The following CACNA1F variants were observed in gnomAD, a reference collection of about 807,000 sequenced individuals.
CACNA1F encodes calcium voltage-gated channel subunit alpha1 F.
Under a neutral mutation model 143.8 loss-of-function variants are expected in CACNA1F, and 59 were observed. The observed-to-expected ratio is 0.41, with a 90% CI of 0.33 to 0.51. The LOEUF is 0.51. CACNA1F is among the 20% of genes least tolerant of loss of function. The pLI is 0.22. For synonymous variants in CACNA1F, 643 were observed against 649.1 expected, an observed-to-expected ratio of 0.99 and a Z score of 0.14; for missense variants, 1,411 against 1,647.5, an observed-to-expected ratio of 0.86 and a Z score of 2.48.
intron 17 of CACNA1F, among the ~76,000 whole-genome samples, chrX:49,221,944 C>T (rs998252261): frequency 2.7e-5 from 3 of 109,212 alleles, no homozygotes; most frequent in Non-Finnish European, 5.7e-5. Flanking sequence ...GATAGCACCA[C>T]TGCACTCCAG....
rs781949666 is a variant in CACNA1F at position 49,210,710 on chromosome X, C to G, written c.4389-24G>C. The G allele has an allele frequency of 3.8e-5, 44 of 1,153,711 alleles. No individual in the cohort carries two copies. In the South Asian group the frequency reaches 8.2e-4, roughly 21 times the overall value. On this transcript the variant is annotated intron_variant, in intron 37 of 47. Coordinates refer to ENST00000323022, the MANE Select transcript of CACNA1F (RefSeq NM_001256789.3). Reference sequence around the variant, plus strand: ...CCCTGGAGGAGTTGGGGAGGTACCACTGGATTGGCGATGCCCCCACTAGCC... The same window carrying G: ...CCCTGGAGGAGTTGGGGAGGTACCAGTGGATTGGCGATGCCCCCACTAGCC...
intron 37 of CACNA1F, 66 bp from the exon 38 acceptor site, chrX:49,210,752 C>T: frequency 1.0e-6 from 1 of 965,017 alleles, no homozygotes; most frequent in Non-Finnish European, 1.5e-6. Flanking sequence ...CAAGGCCCCA[C>T]CAGCTCATCA....
At chrX:49,226,171 T>C (rs2065822146) in intron 12 of CACNA1F, 46 bp downstream of exon 12, 1 of 1,157,200 alleles carries the variant, frequency 8.6e-7, no homozygotes, top group Non-Finnish European at 1.2e-6. Context: ...AGGTGGGGGG[T>C]TTCAAAGTTA....
chrX:49,218,003 A>G lies in CACNA1F; in HGVS notation c.2931T>C (p.His977=), dbSNP rs969019276. ...TGGCCACAAATACACACTGCACCACATGCTGCGGGCACCCAAGCATATGGC... is the reference window on the plus strand; with the variant it reads ...TGGCCACAAATACACACTGCACCACGTGCTGCGGGCACCCAAGCATATGGC... ...RAINRAKGLK[H]VVQCVFVAIR... Residue 977 remains histidine, a splice_region_variant and synonymous_variant, in exon 25 of 48, where the codon CAT becomes CAC. Transcript: ENST00000323022. 5.0e-6 allele frequency: 6 copies of G among 1,195,595 alleles called. No individual in the cohort carries two copies. Among genetic ancestry groups the G allele is most frequent in the Non-Finnish European group, 6.8e-6 (6 of 881,481 alleles).
In CACNA1F at chrX:49,211,948, G is replaced by A; in HGVS notation, c.4050C>T (p.Asn1350=). 1 of 1,211,102 alleles carries A rather than the reference G, an allele frequency of 8.3e-7. No individual in the cohort carries two copies. The highest frequency in any genetic ancestry group is 1.8e-5 in the South Asian group (1 of 56,986). ...KVALQDGTQI[N]RNNNFQTFPQ... Reference sequence around the variant, plus strand: ...GAAAGGTCTGGAAGTTGTTGTTTCGGTTTATCTGTGTGCCATCCTGAAGAG... The same window carrying A: ...GAAAGGTCTGGAAGTTGTTGTTTCGATTTATCTGTGTGCCATCCTGAAGAG... Residue 1350 remains asparagine (N), a synonymous_variant, in exon 35 of 48, where the codon AAC becomes AAT. Coordinates refer to ENST00000323022, the MANE Select transcript of CACNA1F (RefSeq NM_001256789.3).
Position 49,230,566 on chromosome X carries a change from C to A in CACNA1F, c.565G>T (p.Asp189Tyr), listed in dbSNP as rs1557111086. 8.5e-7 allele frequency: 1 copy of A among 1,178,212 alleles called. No individual in the cohort carries two copies. Among genetic ancestry groups the A allele is most frequent in the South Asian group, 1.9e-5 (1 of 53,360 alleles). ...GGCTTTCCCCCGGTGTGCGGGGCGT[C>A]GCCTGGCCGTCCGGGGCCCTGCTCC... ...LLEQGPGRPGDAPHTGGKPGG... is the reference protein window; with the variant it reads ...LLEQGPGRPGYAPHTGGKPGG... Residue 189 changes from aspartate to tyrosine, a missense_variant, in exon 5 of 48, where the codon GAC becomes TAC. Asp to Tyr is a radical substitution (Grantham distance 160, BLOSUM62 -3). Transcript: ENST00000323022.
At chrX:49,217,855 C>T (rs782707860) in intron 25 of CACNA1F, 43 bp downstream of exon 25, 15 of 1,187,528 alleles carry the variant, frequency 1.3e-5, no homozygotes, top group East Asian at 3.0e-5. Context: ...ATCACACTCC[C>T]GCCCAGACCC....
chrX:49,231,856 G>T lies in CACNA1F; in HGVS notation c.97C>A (p.Pro33Thr). ...GPEWGLCPGP[P>T]AVEGESSGAS... ...CCACTGCTTTCACCTTCCACAGCTG[G>T]GGGCCCGGGGCACAGCCCCCATTCG... Residue 33 changes from proline to threonine, a missense_variant, in exon 2 of 48, where the codon CCA (proline) becomes ACA (threonine). Coordinates refer to ENST00000323022, the MANE Select transcript of CACNA1F (RefSeq NM_001256789.3). The T allele has an allele frequency of 8.4e-7, 1 of 1,187,034 alleles. No homozygotes were observed. Among genetic ancestry groups the T allele is most frequent in the East Asian group, 3.1e-5 (1 of 32,510 alleles).
chrX:49,209,962 C>T lies in CACNA1F; in HGVS notation c.4669G>A (p.Glu1557Lys). 2 of 1,205,828 alleles carry T rather than the reference C, an allele frequency of 1.7e-6. No individual in the cohort carries two copies. The highest frequency in any genetic ancestry group is 2.2e-6 in the Non-Finnish European group (2 of 889,946). Reference protein sequence around the residue: ...WKRMKQKLLDEVIPPPDEEEV... With the variant: ...WKRMKQKLLDKVIPPPDEEEV... ...TCACCGTCTGGTGGGGGGATGACCT[C>T]ATCTAGCAGCTTCTGTTTCATCCGC... The change falls in exon 40 of 48, where the codon GAG (glutamate) becomes AAG (lysine). Residue 1557 changes from glutamate to lysine, a missense_variant. Around this residue, in one of 3 missense-constraint regions of CACNA1F, gnomAD observed 112 missense variants for 169.2 expected, o/e 0.66. Coordinates refer to ENST00000323022, the MANE Select transcript of CACNA1F (RefSeq NM_001256789.3).
chrX:49,213,715 G>A, intron 31 of CACNA1F, 104 bp downstream of exon 31: 1 of 578,946 alleles, frequency 1.7e-6, no homozygotes. Context: ...GGAGTAGGGA[G>A]GATGTGCGTG....
rs372570490 is a variant in CACNA1F, at chrX:49,212,284, T to C, written c.3967A>G (p.Ile1323Val). ...GCATAGATGAAGAATATCATTGCGA[T>C]GAGAAGAGCCACATAGGGCAAGGCC... ...FQALPYVALL[I>V]AMIFFIYAVI... Residue 1323 changes from isoleucine (I) to valine (V), a missense_variant, in exon 34 of 48, where the codon ATC becomes GTC. Ile to Val is a conservative substitution (Grantham distance 29). Transcript: ENST00000323022. 8 of 1,205,928 alleles carry C rather than the reference T, an allele frequency of 6.6e-6. No homozygotes were observed. Among genetic ancestry groups the C allele is most frequent in the East Asian group, 5.9e-5 (2 of 33,766 alleles).
At chrX:49,229,682 C>CA (rs2147923271) in intron 6 of CACNA1F, among the ~76,000 whole-genome samples, 1 of 110,175 alleles carries the variant, frequency 9.1e-6, no homozygotes, top group African/African-American at 3.4e-5. Context: ...TGCAGTGGCG[C>CA]ATCTCGGCTC....
chrX:49,207,719 C>T (rs184342452), intron 43 of CACNA1F, among the ~76,000 whole-genome samples: 263 of 110,537 alleles, frequency 2.4e-3, no homozygotes, highest in African/African-American at 7.9e-3. Flanking sequence ...TGTGAGCCAC[C>T]GTGCCTAGGC....
rs1350669023 is a variant in CACNA1F at position 49,205,964 on chromosome X, T to G, written c.5473-151A>C. The G allele has an allele frequency of 1.4e-5, 7 of 512,786 alleles. No homozygotes were observed. The Admixed American group carries it at 2.0e-4, about 15-fold the overall frequency. 42.3% of individuals were successfully genotyped at this position (512,786 alleles called of 1,213,427 possible). A position where few individuals can be genotyped will look rare whatever the true frequency, so the allele number is the denominator to read the frequency against. ...AGGCTTGAGTTTATTTATGTAAGAG[T>G]GCAGGAGGCCTGGGTTTAAATGTCA... On this transcript the variant is annotated intron_variant, in intron 46 of 47. Coordinates refer to ENST00000323022, the MANE Select transcript of CACNA1F (RefSeq NM_001256789.3).
Position 49,206,991 on chromosome X carries a change from C to A in CACNA1F, c.5231+14G>T. The A allele has an allele frequency of 8.9e-7, 1 of 1,122,479 alleles. No homozygotes were observed. Among genetic ancestry groups the A allele is most frequent in the Non-Finnish European group, 1.2e-6 (1 of 819,491 alleles). The allele number at this position is 1,122,479 out of a possible 1,213,427, so 92.5% of individuals were successfully genotyped here. A position where few individuals can be genotyped will look rare whatever the true frequency, so the allele number is the denominator to read the frequency against. The stretch of plus-strand genomic sequence containing the variant: ...CAGCTCATGGGTTCATCCCATGTGG[C>A]ATGGCCAGTGTACCGATCAGGGACT... On this transcript the variant is annotated intron_variant, in intron 44 of 47. Coordinates refer to ENST00000323022, the MANE Select transcript of CACNA1F (RefSeq NM_001256789.3).
chrX:49,205,241 G>T lies in CACNA1F; in HGVS notation c.5797C>A (p.Leu1933Met), dbSNP rs782323402. The T allele has an allele frequency of 8.3e-7, 1 of 1,207,225 alleles. No individual in the cohort carries two copies. The highest frequency in any genetic ancestry group is 2.2e-5 in the Admixed American group (1 of 45,660). The change falls in exon 48 of 48, where the codon CTG (leucine) becomes ATG (methionine). Residue 1933 changes from leucine to methionine, a missense_variant. By Grantham distance (15) the Leu-to-Met change is conservative (BLOSUM62 2). Transcript: ENST00000323022. The part of the protein sequence containing the change: ...DEMDNAASDL[L>M]AQGTSSLYSD... ...TAGAGAGAGCTGGTTCCCTGTGCCA[G>T]CAGGTCACTGGCAGCATTGTCCATC...
chrX:49,210,782 C>T, intron 37 of CACNA1F, 96 bp from the exon 38 acceptor site: 1 of 884,171 alleles, frequency 1.1e-6, no homozygotes, highest in Non-Finnish European at 1.6e-6. Flanking sequence ...CCTACCAATA[C>T]CCCAGAGCTT....
At position 49,205,120 on chromosome X, in the gene CACNA1F, T is replaced by G; in HGVS notation, c.*17A>C. The G allele has an allele frequency of 8.8e-7, 1 of 1,140,637 alleles. No homozygotes were observed. Among genetic ancestry groups the G allele is most frequent in the East Asian group, 3.0e-5 (1 of 33,422 alleles). 94.0% of individuals were successfully genotyped at this position (1,140,637 alleles called of 1,213,427 possible). ...GAGGGCAGGAGGTTTATTGAGCAGT[T>G]GGGGAGGGGTGGGAATTCAGAGGGC... On this transcript the variant is annotated 3_prime_UTR_variant, in exon 48 of 48. Coordinates refer to ENST00000323022, the MANE Select transcript of CACNA1F (RefSeq NM_001256789.3).
chrX:49,219,596 C>T, intron 20 of CACNA1F, 38 bp downstream of exon 20: 1 of 1,182,230 alleles, frequency 8.5e-7, no homozygotes, highest in Non-Finnish European at 1.1e-6. Flanking sequence ...CCTGCCCTAG[C>T]CCCTCCTGCC....
Sources: allele counts gnomAD v4.1 joint callset (sites outside exome capture counted in the v4.1 genomes callset), GRCh38; gene constraint gnomAD v4.1.1; regional missense constraint gnomAD v4.1.1; transcripts MANE v1.5; gene names NCBI Gene and HGNC (gene_info 2026-07-23, HGNC 2026-07-21).